ARID4B: variants seen among roughly 807,000 people sequenced by gnomAD.
ARID4B encodes the protein AT-rich interaction domain 4B, also known as AT-rich interactive domain-containing protein 4B.
A neutral mutation model predicts 147.5 loss-of-function variants in ARID4B; 26 were observed. The ratio of observed to expected loss-of-function variants is 0.18; its 90% confidence interval spans 0.13 to 0.24. The LOEUF (loss-of-function observed/expected upper bound fraction) is 0.24. ARID4B is among the 10% of genes least tolerant of loss of function. The pLI is 1.00. For missense variants in ARID4B, 1,179 were observed against 1,511.5 expected (o/e 0.78, Z 3.65); for synonymous variants, 512 against 507.9 (o/e 1.01, Z -0.11).
rs1351002232 is a variant in ARID4B, at chr1:235,315,069, AT to A, written c.6+11844del. 2.0e-5 allele frequency among the ~76,000 whole-genome samples: 3 copies of A among 152,094 alleles called. No homozygotes were observed. The East Asian group carries it at 5.8e-4, about 29-fold the overall frequency. On this transcript the variant is annotated intron_variant, in intron 2 of 23. Coordinates refer to ENST00000264183, the MANE Select transcript of ARID4B (RefSeq NM_016374.6). Reference sequence around the variant, plus strand: ...TATTCTAGTTGTCACATTGCCAAAAATTTATCTATAAACTAGAGAAAAATGG... The same window carrying A: ...TATTCTAGTTGTCACATTGCCAAAAATTATCTATAAACTAGAGAAAAATGG...
intron 16 of ARID4B, among the ~76,000 whole-genome samples, chr1:235,215,615 CTG>C (rs1445353347): frequency 6.8e-6 from 1 of 146,934 alleles, no homozygotes; most frequent in Non-Finnish European, 1.5e-5. Flanking sequence ...CATGGTCTCA[CTG>C]TGTCATCCAG....
At chr1:235,171,696 A>G (rs34866685) in intron 23 of ARID4B, among the ~76,000 whole-genome samples, 335 of 151,974 alleles carry the variant, frequency 2.2e-3, no homozygotes, top group African/African-American at 7.9e-3. Context: ...CTGGAGTGCA[A>G]TGGCATGATC....
At position 235,219,779 on chromosome 1, in the gene ARID4B, A is replaced by C; in HGVS notation, c.1583+14T>G. ...CAAGCTGAAATGCATCGTAACCAAA[A>C]ACAATTTTCTTACCCAGATTTTGCT... On this transcript the variant is annotated intron_variant, in intron 16 of 23. Coordinates refer to ENST00000264183, the MANE Select transcript of ARID4B (RefSeq NM_016374.6). The C allele has an allele frequency of 6.3e-7, 1 of 1,583,798 alleles. No individual in the cohort carries two copies. Among genetic ancestry groups the C allele is most frequent in the Non-Finnish European group, 8.6e-7 (1 of 1,168,862 alleles).
chr1:235,197,850 T>C (rs981902013), intron 17 of ARID4B, among the ~76,000 whole-genome samples: 1 of 152,230 alleles, frequency 6.6e-6, no homozygotes, highest in Admixed American at 6.5e-5. Flanking sequence ...TACTTCTACC[T>C]GGCACTGTAG....
intron 6 of ARID4B, 91 bp from the exon 7 acceptor site, chr1:235,246,602 A>T (rs1220449237): frequency 8.0e-6 from 7 of 877,824 alleles, no homozygotes; most frequent in Non-Finnish European, 1.3e-5. Context: ...ATATGCTCAG[A>T]TTTTGAGATT....
In ARID4B at chr1:235,248,301, C is replaced by T. The variant is rs143063410; in HGVS notation, c.355-1790G>A. Among the ~76,000 whole-genome samples the T allele has an allele frequency of 1.7e-3, 266 of 152,216 alleles. 1 individual carries two copies. The East Asian group carries it at 0.032, about 18-fold the overall frequency. On this transcript the variant is annotated intron_variant, in intron 6 of 23. Transcript: ENST00000264183. ...CTGGGCTCAAGCCATCTGCCCAACT[C>T]GGCCTCCCAAACTGCTGGGATTACA...
In ARID4B at chr1:235,182,635, C is replaced by T; in HGVS notation, c.2284G>A (p.Glu762Lys). ...EEQNSSSLLE[E>K]NKVHADLVIS... ...ACCAAATCTGCATGAACTTTGTTTT[C>T]TTCTAGCAAAGATGAACTGTTCTGT... is the stretch of plus-strand genomic sequence containing the variant. Residue 762 changes from glutamate to lysine, a missense_variant, in exon 20 of 24, where the codon GAA becomes AAA. This residue lies in a region of ARID4B where 321 missense variants were observed against 342.4 expected (regional missense o/e 0.94). Transcript: ENST00000264183. 1.2e-6 allele frequency: 2 copies of T among 1,613,568 alleles called. No homozygotes were observed. Among genetic ancestry groups the T allele is most frequent in the Non-Finnish European group, 1.7e-6 (2 of 1,179,954 alleles).
At chr1:235,196,928 GA>G (rs34045570) in intron 17 of ARID4B, among the ~76,000 whole-genome samples, 1,942 of 145,808 alleles carry the variant, frequency 0.013, 22 homozygotes, top group Non-Finnish European at 0.016. Flanking sequence ...AAATCAACTA[GA>G]AAAAAAAAAT....
At chr1:235,308,937 T>C (rs1243450677) in intron 2 of ARID4B, among the ~76,000 whole-genome samples, 1 of 145,880 alleles carries the variant, frequency 6.9e-6, no homozygotes, top group Non-Finnish European at 1.5e-5. Flanking sequence ...TGGCCGCCCA[T>C]CGTCTGGGAC....
chr1:235,179,552 A>C (rs1462150087), intron 20 of ARID4B, among the ~76,000 whole-genome samples: 1 of 149,644 alleles, frequency 6.7e-6, no homozygotes, highest in Admixed American at 6.7e-5. Flanking sequence ...AAAAAAAAAA[A>C]ACCCAACAAA....
chr1:235,264,600 AAC>A (rs1391001501), intron 2 of ARID4B, among the ~76,000 whole-genome samples: 20 of 152,346 alleles, frequency 1.3e-4, no homozygotes, highest in Middle Eastern at 3.4e-3. Context: ...ACATCAAAAA[AAC>A]AGAGTCAATA....
intron 6 of ARID4B, among the ~76,000 whole-genome samples, chr1:235,247,340 C>G (rs549363497): frequency 6.6e-6 from 1 of 152,216 alleles, no homozygotes; most frequent in South Asian, 2.1e-4. Context: ...GGCATCTAAA[C>G]TAATGTAATA....
At chr1:235,218,017 A>C (rs1667208708) in intron 16 of ARID4B, among the ~76,000 whole-genome samples, 1 of 152,202 alleles carries the variant, frequency 6.6e-6, no homozygotes, top group Non-Finnish European at 1.5e-5. Context: ...ATAACAAAGC[A>C]ATTATAATAT....
intron 3 of ARID4B, among the ~76,000 whole-genome samples, chr1:235,257,455 G>A (rs528355111): frequency 6.6e-6 from 1 of 151,652 alleles, no homozygotes; most frequent in Non-Finnish European, 1.5e-5. Flanking sequence ...TAAATTACTA[G>A]ATGTTCCACA....
At position 235,167,173 on chromosome 1, in the gene ARID4B, C is replaced by T. The variant is rs946114334; in HGVS notation, c.*1352G>A. 3.0e-5 allele frequency: 6 copies of T among 202,204 alleles called. No individual in the cohort carries two copies. The highest frequency in any genetic ancestry group is 6.1e-5 in the Non-Finnish European group (6 of 98,200). The allele number at this position is 202,204 out of a possible 1,614,324, so 12.5% of individuals were successfully genotyped here. ...AAGTTGAATGTAAAGGATTCTGACACGTTAGCATCTACAACAAAACGCATT... is the reference window on the plus strand; with the variant it reads ...AAGTTGAATGTAAAGGATTCTGACATGTTAGCATCTACAACAAAACGCATT... On this transcript the variant is annotated 3_prime_UTR_variant, in exon 24 of 24. Coordinates refer to ENST00000264183, the MANE Select transcript of ARID4B (RefSeq NM_016374.6).
intron 2 of ARID4B, among the ~76,000 whole-genome samples, chr1:235,300,747 G>A (rs1432445191): frequency 6.6e-6 from 1 of 151,842 alleles, no homozygotes; most frequent in Non-Finnish European, 1.5e-5. Context: ...GTCTCGCTCT[G>A]TAGCCAGGCT....
At chr1:235,294,980 T>C (rs1049008143) in intron 2 of ARID4B, among the ~76,000 whole-genome samples, 3 of 151,320 alleles carry the variant, frequency 2.0e-5, no homozygotes, top group Non-Finnish European at 2.9e-5. Context: ...ATTTCAAGTA[T>C]CTTAAATATT....
At chr1:235,250,789 T>C (rs1669594321) in intron 6 of ARID4B, among the ~76,000 whole-genome samples, 1 of 152,198 alleles carries the variant, frequency 6.6e-6, no homozygotes, top group South Asian at 2.1e-4. Context: ...CTTGAAGATA[T>C]GAAGGATACA....
intron 18 of ARID4B, among the ~76,000 whole-genome samples, chr1:235,194,727 G>A (rs1185435800): frequency 6.6e-6 from 1 of 152,166 alleles, no homozygotes; most frequent in Non-Finnish European, 1.5e-5. Flanking sequence ...GCTGAGGCAG[G>A]AGAATCGCTT....
Sources: allele counts gnomAD v4.1 joint callset (sites outside exome capture counted in the v4.1 genomes callset), GRCh38; gene constraint gnomAD v4.1.1; regional missense constraint gnomAD v4.1.1; transcripts MANE v1.5; gene names NCBI Gene and HGNC (gene_info 2026-07-23, HGNC 2026-07-21).